NOL6: variants seen among roughly 807,000 people sequenced by gnomAD.
NOL6 encodes the protein nucleolar protein 6, also known as nucleolar RNA-associated protein.
Under a neutral mutation model 131.7 loss-of-function variants are expected in NOL6, and 33 were observed. The observed-to-expected ratio is 0.25, with a 90% confidence interval of 0.19 to 0.33. The LOEUF (loss-of-function observed/expected upper bound fraction) is 0.33. Among genes scored for constraint, NOL6 ranks in the 10% least tolerant of loss-of-function variants. The probability of loss-of-function intolerance (pLI) is 1.00; values close to 1 mark genes in which losing one functional copy is unlikely to be tolerated. For missense variants in NOL6, 1,297 were observed against 1,494.5 expected (o/e 0.87, Z 2.18); for synonymous variants, 580 against 605.7 (o/e 0.96, Z 0.62).
Position 33,468,425 on chromosome 9 carries a change from TG to T in NOL6, c.1207-4del, listed in dbSNP as rs1827310144. 4 of 1,614,006 alleles carry T rather than the reference TG, an allele frequency of 2.5e-6. No homozygotes were observed. The highest frequency in any genetic ancestry group is 4.5e-5 in the East Asian group (2 of 44,868). ...TGGTGGAAGTCAGCCAGGGCCGGCT[TG>T]GGGGGTGTAGAGAGAAGCAGGTCAG... On this transcript the variant is annotated splice_polypyrimidine_tract_variant and splice_region_variant and intron_variant, in intron 9 of 25. Coordinates refer to ENST00000297990, the MANE Select transcript of NOL6 (RefSeq NM_022917.5).
chr9:33,464,953 C>A lies in NOL6; in HGVS notation c.2705G>T (p.Arg902Leu). The part of the protein sequence containing the change: ...PPSSPQVGFL[R>L]FLFLVSTFDW... Reference sequence around the variant, plus strand: ...AAACGTTGATACCAAGAAAAGGAATCGAAGGAAGCCAACCTGGGGGGAACT... The same window carrying A: ...AAACGTTGATACCAAGAAAAGGAATAGAAGGAAGCCAACCTGGGGGGAACT... Residue 902 changes from arginine to leucine, a missense_variant, in exon 21 of 26, where the codon CGA becomes CTA. Arg to Leu is a moderately radical substitution (Grantham distance 102, BLOSUM62 -2). Transcript: ENST00000297990. 2.5e-6 allele frequency: 4 copies of A among 1,613,914 alleles called. No individual in the cohort carries two copies. Among genetic ancestry groups the A allele is most frequent in the Non-Finnish European group, 3.4e-6 (4 of 1,179,950 alleles).
rs1827116590 is a variant in NOL6, at chr9:33,462,381, G to A, written c.*283C>T. On this transcript the variant is annotated 3_prime_UTR_variant, in exon 26 of 26. Coordinates refer to ENST00000297990, the MANE Select transcript of NOL6 (RefSeq NM_022917.5). ...AGGTCCAGGCCCAGGGCTAATAGGT[G>A]GATGGATCTCCTGGGTTCAGTTCCT... 3.2e-6 allele frequency: 2 copies of A among 633,162 alleles called. No homozygotes were observed. Among genetic ancestry groups the A allele is most frequent in the Non-Finnish European group, 5.7e-6 (2 of 350,414 alleles). 39.2% of individuals were successfully genotyped at this position (633,162 alleles called of 1,614,324 possible).
chr9:33,471,521 T>C (rs1415386075), intron 3 of NOL6, among the ~76,000 whole-genome samples: 1 of 152,214 alleles, frequency 6.6e-6, no homozygotes, highest in African/African-American at 2.4e-5. Context: ...TCCCCCTTCC[T>C]GGAATGCTTT....
intron 4 of NOL6, 35 bp downstream of exon 4, chr9:33,469,977 T>C: frequency 4.0e-6 from 6 of 1,510,352 alleles, no homozygotes; most frequent in Non-Finnish European, 5.3e-6. Context: ...GGTAGTCAGG[T>C]GGTGGGCCTC....
rs113976677 is a variant in NOL6 at position 33,469,331 on chromosome 9, C to T, written c.738G>A (p.Glu246=). 36 of 1,614,126 alleles carry T rather than the reference C, an allele frequency of 2.2e-5. No homozygotes were observed. The African/African-American group carries it at 4.5e-4, about 20-fold the overall frequency. The change falls in exon 6 of 26, where the codon GAG becomes GAA. Residue 246 remains glutamate, a synonymous_variant. Coordinates refer to ENST00000297990, the MANE Select transcript of NOL6 (RefSeq NM_022917.5). ...SLLLRPRGKD[E]RLVTVRLHPC... is the part of the protein sequence containing the mutation. ...GATGCAGACGTACAGTGACCAGGCGCTCATCCTTTCCTGCCAGAGACAGTG... is the reference window on the plus strand; with the variant it reads ...GATGCAGACGTACAGTGACCAGGCGTTCATCCTTTCCTGCCAGAGACAGTG...
Position 33,469,094 on chromosome 9 carries a change from T to C in NOL6, c.890A>G (p.Tyr297Cys), listed in dbSNP as rs1827334282. The C allele has an allele frequency of 1.9e-6, 3 of 1,614,170 alleles. No homozygotes were observed. The highest frequency in any genetic ancestry group is 1.1e-5 in the South Asian group (1 of 91,078). Residue 297 changes from tyrosine to cysteine, a missense_variant, in exon 7 of 26, where the codon TAT becomes TGT. Transcript: ENST00000297990. ...TGTATCTTGCAGGACCCATGTGTTA[T>C]AGCGGGGGGTAGGAGGCTCTGGGCT... The part of the protein sequence containing the change: ...DGSPEPPTPR[Y>C]NTWVLQDTVL...
In NOL6 at chr9:33,470,138, C is replaced by T; in HGVS notation, c.432G>A (p.Val144=). ...PAGVRVPLHQ[V]PYAVKGCFRF... is the part of the protein sequence containing the mutation. ...GGAAACAGCCCTTCACGGCATAGGG[C>T]ACTTGGTGGAGGGGCACTCGAACCC... Residue 144 remains valine (V), a synonymous_variant, in exon 4 of 26, where the codon GTG becomes GTA. Transcript: ENST00000297990. 1.9e-6 allele frequency: 3 copies of T among 1,608,730 alleles called. No homozygotes were observed. The highest frequency in any genetic ancestry group is 2.6e-6 in the Non-Finnish European group (3 of 1,176,320).
chr9:33,467,797 C>T lies in NOL6; in HGVS notation c.1496G>A (p.Gly499Asp), dbSNP rs777109683. Residue 499 changes from glycine to aspartate, a missense_variant, in exon 12 of 26, where the codon GGT becomes GAT. By Grantham distance (94) the Gly-to-Asp change is moderately conservative. Transcript: ENST00000297990. The surrounding 1 kb of genome is among the most constrained non-coding windows in gnomAD (Gnocchi z 4.4). ...LKLWPELQDN[G>D]GDYVSAALGP... ...CAAAGCAGCTGAGACATAGTCCCCA[C>T]CATTGTCCTGCAGCTCTGGCCAGAG... 2 of 1,611,632 alleles carry T rather than the reference C, an allele frequency of 1.2e-6. No homozygotes were observed. The highest frequency in any genetic ancestry group is 1.7e-6 in the Non-Finnish European group (2 of 1,178,994).
At chr9:33,469,413 C>A (rs183340011) in intron 5 of NOL6, 72 bp from the exon 6 acceptor site, 24 of 1,608,214 alleles carry the variant, frequency 1.5e-5, no homozygotes, top group Middle Eastern at 1.7e-4. Context: ...CCTGTCCCCC[C>A]ATACTTGAGG....
rs748197204 is a variant in NOL6, at chr9:33,472,360, G to A, written c.107C>T (p.Ser36Phe). 6.2e-7 allele frequency: 1 copy of A among 1,614,190 alleles called. No homozygotes were observed. The highest frequency in any genetic ancestry group is 8.5e-7 in the Non-Finnish European group (1 of 1,180,032). Residue 36 changes from serine to phenylalanine, a missense_variant, in exon 2 of 26, where the codon TCC (serine) becomes TTC (phenylalanine). Physicochemically the swap from Ser to Phe is radical, Grantham distance 155 (BLOSUM62 -2). Coordinates refer to ENST00000297990, the MANE Select transcript of NOL6 (RefSeq NM_022917.5). ...GTGKEGKKAS[S>F]RKRTLAEPPA... is the part of the protein sequence containing the mutation. The stretch of plus-strand genomic sequence containing the variant: ...AGGTTCAGCCAATGTACGCTTCCTG[G>A]AGGATGCTTTCTTCCCCTCTTTGCC...
chr9:33,467,567 C>CT lies in NOL6; in HGVS notation c.1603-52dup, dbSNP rs1159941105. The stretch of plus-strand genomic sequence containing the variant: ...CAGTCCTCCAATCCTCCAGCCTGGC[C>CT]TAGAAACCTACTTTCTAGCTAGCTA... On this transcript the variant is annotated intron_variant, in intron 12 of 25. Transcript: ENST00000297990. The surrounding 1 kb of genome is among the most constrained non-coding windows in gnomAD (Gnocchi z 4.4). The CT allele has an allele frequency of 1.2e-6, 2 of 1,603,998 alleles. No individual in the cohort carries two copies. Among genetic ancestry groups the CT allele is most frequent in the African/African-American group, 2.7e-5 (2 of 74,588 alleles).
At chr9:33,462,898 G>A (rs1827136743) in intron 25 of NOL6, 85 bp from the exon 26 acceptor site, 1 of 1,577,848 alleles carries the variant, frequency 6.3e-7, no homozygotes, top group African/African-American at 1.4e-5. Context: ...TGGGGGTGGT[G>A]GGGATAGAAA....
Position 33,469,673 on chromosome 9 carries a change from G to A in NOL6, c.559-6C>T. On this transcript the variant is annotated splice_polypyrimidine_tract_variant and splice_region_variant and intron_variant, in intron 4 of 25. Transcript: ENST00000297990. ...TCCTTGTCCTGTAGGATTTCCTGGA[G>A]GGGCCAGGGGAGAAGAGAAGGCCAG... 6.2e-7 allele frequency: 1 copy of A among 1,604,866 alleles called. No homozygotes were observed.
At position 33,462,190 on chromosome 9, in the gene NOL6, G is replaced by A. The variant is rs1339284234; in HGVS notation, c.*474C>T. The A allele has an allele frequency of 1.4e-6, 1 of 717,504 alleles. No individual in the cohort carries two copies. Among genetic ancestry groups the A allele is most frequent in the Non-Finnish European group, 2.6e-6 (1 of 385,112 alleles). 44.4% of individuals were successfully genotyped at this position (717,504 alleles called of 1,614,324 possible). ...AGTGTCGGTGATGTGACTCAGAAGG[G>A]CCACATTTTCGCTGGGTCCCATCTA... is the stretch of plus-strand genomic sequence containing the variant. On this transcript the variant is annotated 3_prime_UTR_variant, in exon 26 of 26. Coordinates refer to ENST00000297990, the MANE Select transcript of NOL6 (RefSeq NM_022917.5).
intron 18 of NOL6, 73 bp downstream of exon 18, chr9:33,465,998 G>A (rs1390287188): frequency 5.1e-6 from 8 of 1,561,322 alleles, no homozygotes; most frequent in East Asian, 4.5e-5. Flanking sequence ...ACCCACAGGG[G>A]TGTCTTCTTC....
chr9:33,461,542 C>CAGGG lies in NOL6; in HGVS notation c.*1121_*1122insCCCT, dbSNP rs1827094572. 2 of 152,332 alleles carry CAGGG rather than the reference C, an allele frequency of 1.3e-5. No individual in the cohort carries two copies. The highest frequency in any genetic ancestry group is 4.8e-5 in the African/African-American group (2 of 41,458). 9.4% of individuals were successfully genotyped at this position (152,332 alleles called of 1,614,324 possible). A position where few individuals can be genotyped will look rare whatever the true frequency, so the allele number is the denominator to read the frequency against. On this transcript the variant is annotated 3_prime_UTR_variant, in exon 26 of 26. Transcript: ENST00000297990. ...TCCTGAGCTCAAGTGATTCTCCTGA[C>CAGGG]TCCCTAAGTGTTGGGATTACAAGCA...
chr9:33,468,849 G>A lies in NOL6; in HGVS notation c.1050C>T (p.Phe350=), dbSNP rs1191141034. 2 of 1,614,038 alleles carry A rather than the reference G, an allele frequency of 1.2e-6. No individual in the cohort carries two copies. Among genetic ancestry groups the A allele is most frequent in the African/African-American group, 2.7e-5 (2 of 74,918 alleles). ...GGAAGACAACCAGCATGGAGACAAG[G>A]AACCCAGTAAACCCACCCTGGCCCT... ...LDKGQGGFTG[F]LVSMLVVFLV... The change falls in exon 8 of 26, where the codon TTC becomes TTT. Residue 350 remains phenylalanine, a synonymous_variant. Transcript: ENST00000297990.
rs781309454 is a variant in NOL6, at chr9:33,473,885, G to A, written c.-43C>T. 1.9e-6 allele frequency: 3 copies of A among 1,606,438 alleles called. No homozygotes were observed. The highest frequency in any genetic ancestry group is 2.5e-6 in the Non-Finnish European group (3 of 1,178,704). On this transcript the variant is annotated 5_prime_UTR_variant, in exon 1 of 26. Coordinates refer to ENST00000297990, the MANE Select transcript of NOL6 (RefSeq NM_022917.5). ...TCTCCCGCACTTCAGATTCTAGCCGGGTCTATACCTCATAGCTTCCCACGT... is the reference window on the plus strand; with the variant it reads ...TCTCCCGCACTTCAGATTCTAGCCGAGTCTATACCTCATAGCTTCCCACGT...
Position 33,467,639 on chromosome 9 carries a change from C to CA in NOL6, c.1602+51_1602+52insT. The stretch of plus-strand genomic sequence containing the variant: ...GGTGTGTCCTTTGTGTCTCTTGGGA[C>CA]CCTGGATCCAGCCCAACTCAGACCC... On this transcript the variant is annotated intron_variant, in intron 12 of 25. Coordinates refer to ENST00000297990, the MANE Select transcript of NOL6 (RefSeq NM_022917.5). The surrounding 1 kb of genome is among the most constrained non-coding windows in gnomAD (Gnocchi z 4.4). 1 of 1,548,370 alleles carries CA rather than the reference C, an allele frequency of 6.5e-7. No homozygotes were observed. Among genetic ancestry groups the CA allele is most frequent in the Non-Finnish European group, 8.7e-7 (1 of 1,146,130 alleles).
Sources: gnomAD v4.1 joint callset for allele counts (sites outside exome capture counted in the v4.1 genomes callset) on GRCh38, gnomAD v4.1.1 for gene constraint, Gnocchi (gnomAD v3.1) non-coding constraint, MANE v1.5 for transcripts, NCBI Gene and HGNC (gene_info 2026-07-23, HGNC 2026-07-21) for gene names.